Variants in MYO15A observed in about 807,000 individuals in gnomAD.
The protein encoded by MYO15A is unconventional myosin-XV.
In MYO15A, 308 loss-of-function variants were observed where a neutral mutation model predicts 394.6. The ratio of observed to expected loss-of-function variants is 0.78; its 90% CI spans 0.71 to 0.86. The LOEUF is 0.86. Among genes scored for constraint, MYO15A ranks in the 40% least tolerant of loss-of-function variants. The pLI is 0.00. For missense variants in MYO15A, 4,606 were observed against 4,799.1 expected (o/e 0.96, Z 1.19); for synonymous variants, 1,957 against 2,003.8 (o/e 0.98, Z 0.62).
chr17:18,120,740 C>A lies in MYO15A; in HGVS notation c.1940C>A (p.Pro647Gln). The A allele has an allele frequency of 6.8e-7, 1 of 1,466,928 alleles. No individual in the cohort carries two copies. The highest frequency in any genetic ancestry group is 2.5e-5 in the Admixed American group (1 of 39,900). The allele number at this position is 1,466,928 out of a possible 1,614,324, so 90.9% of individuals were successfully genotyped here. A position where few individuals can be genotyped will look rare whatever the true frequency, so the allele number is the denominator to read the frequency against. The change falls in exon 2 of 66, where the codon CCA (proline) becomes CAA (glutamine). Residue 647 changes from proline (P) to glutamine (Q), a missense_variant. Physicochemically the swap from Pro to Gln is moderately conservative, Grantham distance 76. Coordinates refer to ENST00000647165, the MANE Select transcript of MYO15A (RefSeq NM_016239.4). ...AACGACGCGCGCCGCCCGCCCGCGC[C>A]ACAGCCCGCGCCCAGGACCCTCTCC... is the stretch of plus-strand genomic sequence containing the variant. The part of the protein sequence containing the change: ...SSNDARRPPA[P>Q]QPAPRTLSHW...
chr17:18,109,425 T>G (rs1194796690), intron 1 of MYO15A: 2 of 172,504 alleles, frequency 1.2e-5, no homozygotes, highest in Non-Finnish European at 2.6e-5. Context: ...CTCTGTTATG[T>G]CCTGGGCTTT....
At chr17:18,113,513 C>T (rs957649194) in intron 1 of MYO15A, among the ~76,000 whole-genome samples, 2 of 152,116 alleles carry the variant, frequency 1.3e-5, no homozygotes, top group Admixed American at 1.3e-4. Context: ...AATCCCAGCA[C>T]TTTGGGAGGA....
rs1338466953 is a variant in MYO15A, at chr17:18,150,374, G to A, written c.7213-55G>A. The A allele has an allele frequency of 6.5e-7, 1 of 1,541,382 alleles. No homozygotes were observed. The highest frequency in any genetic ancestry group is 9.0e-7 in the Non-Finnish European group (1 of 1,115,070). ...GCCAGTGTCAGGTGCCTGTTGCCAT[G>A]GAACCTTGGGAGTACAATAATGAGA... On this transcript the variant is annotated intron_variant, in intron 35 of 65. Transcript: ENST00000647165. This position sits in a 1 kb window ranked among gnomAD's most constrained non-coding sequence, Gnocchi z 4.4.
Position 18,148,859 on chromosome 17 carries a change from C to A in MYO15A, c.6863C>A (p.Ser2288Ter). 1.2e-6 allele frequency: 2 copies of A among 1,607,396 alleles called. No individual in the cohort carries two copies. The highest frequency in any genetic ancestry group is 1.1e-5 in the South Asian group (1 of 89,692). Residue 2288 changes from serine (S) to a stop codon, truncating the protein, a stop_gained, in exon 33 of 66, where the codon TCG (serine) becomes TAG (stop). Coordinates refer to ENST00000647165, the MANE Select transcript of MYO15A (RefSeq NM_016239.4). LOFTEE classifies it high-confidence loss of function. The surrounding 1 kb of genome is among the most constrained non-coding windows in gnomAD (Gnocchi z 4.8). ...AGHDYVLDLV[S>*]DLELLRDFPR... ...CACGACTACGTGTTAGACCTGGTGTCGGACCTGGAGCTGCTCAGGGACTTC... is the reference window on the plus strand; with the variant it reads ...CACGACTACGTGTTAGACCTGGTGTAGGACCTGGAGCTGCTCAGGGACTTC...
intron 55 of MYO15A, 42 bp from the exon 56 acceptor site, chr17:18,159,893 C>T: frequency 1.2e-6 from 2 of 1,603,282 alleles, no homozygotes; most frequent in Non-Finnish European, 1.7e-6. Context: ...TGACATAGCC[C>T]CTCACATGTC....
intron 3 of MYO15A, 44 bp from the exon 4 acceptor site, chr17:18,125,124 A>G: frequency 6.3e-7 from 1 of 1,592,528 alleles, no homozygotes; most frequent in Non-Finnish European, 8.6e-7. Context: ...CCATGCCAGA[A>G]CCAGCCCTGG....
chr17:18,167,915 C>T (rs1161125206), intron 62 of MYO15A, among the ~76,000 whole-genome samples, 192 bp downstream of exon 62: 1 of 152,196 alleles, frequency 6.6e-6, no homozygotes, highest in Non-Finnish European at 1.5e-5. Context: ...GCTGGGACCC[C>T]GCCTCTCTTT....
rs375648544 is a variant in MYO15A at position 18,132,188 on chromosome 17, C to G, written c.4207-265C>G. Among the ~76,000 whole-genome samples the G allele has an allele frequency of 6.6e-6, 1 of 152,150 alleles. No homozygotes were observed. Among genetic ancestry groups the G allele is most frequent in the Admixed American group, 6.5e-5 (1 of 15,280 alleles). The stretch of plus-strand genomic sequence containing the variant: ...TGTGGCCGGTACACATAAGAGAAGA[C>G]GGGTCCCTTTTCTCTTATTTCTCCT... On this transcript the variant is annotated intron_variant, in intron 10 of 65. Coordinates refer to ENST00000647165, the MANE Select transcript of MYO15A (RefSeq NM_016239.4). This position sits in a 1 kb window ranked among gnomAD's most constrained non-coding sequence, Gnocchi z 4.6.
At chr17:18,159,191 TCATATGGCCTTGGAACACA>T in intron 53 of MYO15A, 65 bp from the exon 54 acceptor site, 1 of 1,530,162 alleles carries the variant, frequency 6.5e-7, no homozygotes, top group Non-Finnish European at 9.0e-7. Flanking sequence ...CCTCCTGTTA[TCATATGGCCTTGGAACACA>T]ATGTGTCCCC....
At chr17:18,157,096 G>C (rs973594792) in intron 49 of MYO15A, 31 bp downstream of exon 49, 1 of 1,613,036 alleles carries the variant, frequency 6.2e-7, no homozygotes, top group Non-Finnish European at 8.5e-7. Flanking sequence ...CTGGGGGCAG[G>C]AGGGGGAGGC....
chr17:18,117,224 G>A lies in MYO15A; in HGVS notation c.-219-1358G>A, dbSNP rs2142231477. Among the ~76,000 whole-genome samples, 1 of 152,360 alleles carries A rather than the reference G, an allele frequency of 6.6e-6. No individual in the cohort carries two copies. The highest frequency in any genetic ancestry group is 3.4e-3 in the Middle Eastern group (1 of 294). On this transcript the variant is annotated intron_variant, in intron 1 of 65. Coordinates refer to ENST00000647165, the MANE Select transcript of MYO15A (RefSeq NM_016239.4). The surrounding 1 kb of genome is among the most constrained non-coding windows in gnomAD (Gnocchi z 4.1). ...ACTGGCTCCAGGTGAATCTTGGGGA[G>A]GAGGAGCAGGAAGAAGAGGAAAGTG...
At chr17:18,157,373 A>C in intron 50 of MYO15A, 143 bp downstream of exon 50, 1 of 1,207,302 alleles carries the variant, frequency 8.3e-7, no homozygotes, top group Non-Finnish European at 1.2e-6. Flanking sequence ...GTGGCCTGTC[A>C]GTATCTGTTG....
intron 45 of MYO15A, 145 bp from the exon 46 acceptor site, chr17:18,154,965 C>G: frequency 1.1e-6 from 1 of 948,760 alleles, no homozygotes. Flanking sequence ...GCCATCTCAT[C>G]CATTTCTGGG....
At position 18,154,689 on chromosome 17, in the gene MYO15A, G is replaced by A. The variant is rs1350281959; in HGVS notation, c.8158G>A (p.Asp2720Asn). 9 of 1,613,374 alleles carry A rather than the reference G, an allele frequency of 5.6e-6. No homozygotes were observed. In the East Asian group the frequency reaches 1.1e-4, roughly 20 times the overall value. ...LDLLFRQILH[D>N]TLSEACLRIS... ...CAGCCTGTTCCCACAGATCCTGCAC[G>A]ACACGCTCTCCGAGGCCTGCCTTCG... The change falls in exon 45 of 66, where the codon GAC (aspartate) becomes AAC (asparagine). Residue 2720 changes from aspartate (D) to asparagine (N), a missense_variant. Physicochemically the swap from Asp to Asn is conservative, Grantham distance 23. Around this residue, in one of 2 missense-constraint regions of MYO15A, gnomAD observed 2,776 missense variants for 3,109.3 expected, o/e 0.89. Transcript: ENST00000647165.
rs2142245461 is a variant in MYO15A at position 18,120,081 on chromosome 17, C to A, written c.1281C>A (p.His427Gln). 1.9e-6 allele frequency: 3 copies of A among 1,612,834 alleles called. No individual in the cohort carries two copies. The highest frequency in any genetic ancestry group is 2.5e-6 in the Non-Finnish European group (3 of 1,179,628). ...CGTCGCCCCACAACCCGTATGCCCACGCCATGGATGACATCGCCGAGCTGG... is the reference window on the plus strand; with the variant it reads ...CGTCGCCCCACAACCCGTATGCCCAAGCCATGGATGACATCGCCGAGCTGG... ...PIPSPHNPYA[H>Q]AMDDIAELEE... is the part of the protein sequence containing the mutation. The change falls in exon 2 of 66, where the codon CAC (histidine) becomes CAA (glutamine). Residue 427 changes from histidine to glutamine, a missense_variant. Around this residue, in one of 2 missense-constraint regions of MYO15A, gnomAD observed 1,830 missense variants for 1,689.7 expected, o/e 1.08. Coordinates refer to ENST00000647165, the MANE Select transcript of MYO15A (RefSeq NM_016239.4).
At chr17:18,174,824 C>G (rs145684387) in intron 65 of MYO15A, among the ~76,000 whole-genome samples, 1 of 152,312 alleles carries the variant, frequency 6.6e-6, no homozygotes, top group Non-Finnish European at 1.5e-5. Flanking sequence ...ACTCCCATGA[C>G]AGGGCCTGTC....
At chr17:18,126,198 T>C in intron 4 of MYO15A, 149 bp from the exon 5 acceptor site, 1 of 703,268 alleles carries the variant, frequency 1.4e-6, no homozygotes, top group Admixed American at 2.1e-5. Context: ...CCCAGCTAGC[T>C]GGTAGAGGGC....
At chr17:18,114,606 G>GCTA (rs2142226347) in intron 1 of MYO15A, among the ~76,000 whole-genome samples, 1 of 152,204 alleles carries the variant, frequency 6.6e-6, no homozygotes, top group East Asian at 1.9e-4. Flanking sequence ...CCTTGCCCCT[G>GCTA]CTACTGTACT....
Position 18,156,324 on chromosome 17 carries a change from G to A in MYO15A, c.8589G>A (p.Leu2863=). 6.2e-7 allele frequency: 1 copy of A among 1,614,132 alleles called. No homozygotes were observed. Among genetic ancestry groups the A allele is most frequent in the Non-Finnish European group, 8.5e-7 (1 of 1,180,020 alleles). The stretch of plus-strand genomic sequence containing the variant: ...AGACCCTGGTAGATGACTTCATCTT[G>A]GAGCTGAAGAAGGTCAGGATCTTCT... The part of the protein sequence containing the change: ...QVKTLVDDFI[L]ELKKDSDYVV... The change falls in exon 48 of 66, where the codon TTG becomes TTA. Residue 2863 remains leucine, a synonymous_variant. Coordinates refer to ENST00000647165, the MANE Select transcript of MYO15A (RefSeq NM_016239.4).
Sources: gnomAD v4.1 joint callset for allele counts (sites outside exome capture counted in the v4.1 genomes callset) on GRCh38, gnomAD v4.1.1 for gene constraint, gnomAD v4.1.1 regional missense constraint, Gnocchi (gnomAD v3.1) non-coding constraint, MANE v1.5 for transcripts, NCBI Gene and HGNC (gene_info 2026-07-23, HGNC 2026-07-21) for gene names.